ATP8A2: variants seen among roughly 807,000 people sequenced by gnomAD.
ATP8A2 encodes the protein phospholipid-transporting ATPase IB.
In ATP8A2, 100 loss-of-function variants were observed where a neutral mutation model predicts 165.6. That is an observed-to-expected ratio of 0.60 (90% CI 0.51 to 0.71). The LOEUF (loss-of-function observed/expected upper bound fraction) is 0.71. ATP8A2 is among the 30% of genes least tolerant of loss of function. The pLI is 0.00. For synonymous variants in ATP8A2, 543 were observed against 548.8 expected (o/e 0.99, Z 0.15); for missense variants, 1,227 against 1,479.5 (o/e 0.83, Z 2.80).
At chr13:25,782,166 A>G (rs1047537298) in intron 27 of ATP8A2, among the ~76,000 whole-genome samples, 1 of 152,250 alleles carries the variant, frequency 6.6e-6, no homozygotes, top group African/African-American at 2.4e-5. Flanking sequence ...TTACACGGTA[A>G]AAGATAAAAT....
chr13:26,001,786 T>A (rs544524218), intron 35 of ATP8A2, among the ~76,000 whole-genome samples: 1 of 152,254 alleles, frequency 6.6e-6, no homozygotes, highest in South Asian at 2.1e-4. Context: ...TTATCAGATA[T>A]GATTTGCAAA....
intron 1 of ATP8A2, among the ~76,000 whole-genome samples, chr13:25,389,983 C>CTTGTGTTTTG: frequency 6.6e-6 from 1 of 151,144 alleles, no homozygotes; most frequent in East Asian, 1.9e-4. Context: ...AATTTTTTGC[C>CTTGTGTTTTG]TTTTGTTTTG....
chr13:25,407,377 A>G (rs1437563414), intron 1 of ATP8A2, among the ~76,000 whole-genome samples: 1 of 152,176 alleles, frequency 6.6e-6, no homozygotes, highest in African/African-American at 2.4e-5. Context: ...AAAAGTTAAA[A>G]CCCAGCAGAC....
At chr13:26,006,851 T>C (rs1259654652) in intron 35 of ATP8A2, among the ~76,000 whole-genome samples, 1 of 152,036 alleles carries the variant, frequency 6.6e-6, no homozygotes, top group Non-Finnish European at 1.5e-5. Flanking sequence ...CACCCTTGCA[T>C]TCCAGGGATA....
chr13:25,728,776 T>A (rs529778938), intron 25 of ATP8A2, among the ~76,000 whole-genome samples: 1 of 152,272 alleles, frequency 6.6e-6, no homozygotes, highest in South Asian at 2.1e-4. Flanking sequence ...CCCTGCAGAC[T>A]TTTGATTAGA....
chr13:25,526,383 A>G (rs1362166087), intron 2 of ATP8A2, among the ~76,000 whole-genome samples: 1 of 152,124 alleles, frequency 6.6e-6, no homozygotes, highest in East Asian at 1.9e-4. Flanking sequence ...ATATGTTTGC[A>G]TTGGAGAATT....
intron 2 of ATP8A2, among the ~76,000 whole-genome samples, chr13:25,518,519 T>A (rs79678815): frequency 0.062 from 9,048 of 146,526 alleles, 340 homozygotes; most frequent in South Asian, 0.14. Context: ...CATTTTGGTG[T>A]TGCGTGTTAA....
At chr13:25,438,703 ACATACAATCCC>A (rs2034847711) in intron 1 of ATP8A2, among the ~76,000 whole-genome samples, 1 of 152,046 alleles carries the variant, frequency 6.6e-6, no homozygotes, top group African/African-American at 2.4e-5. Flanking sequence ...AAAGAAAAGA[ACATACAATCCC>A]CATCTCCCAG....
In ATP8A2 at chr13:25,529,938, G is replaced by T. The variant is rs2037976385; in HGVS notation, c.222-61G>T. The T allele has an allele frequency of 9.6e-6, 9 of 935,330 alleles. No homozygotes were observed. The South Asian group carries it at 1.2e-4, about 13-fold the overall frequency. 57.9% of individuals were successfully genotyped at this position (935,330 alleles called of 1,614,324 possible). A position where few individuals can be genotyped will look rare whatever the true frequency, so the allele number is the denominator to read the frequency against. The stretch of plus-strand genomic sequence containing the variant: ...TAAAACTTTCTAAACTTCTTGTCCT[G>T]TTCTTGTGTTTTAGAGTTTACATCT... On this transcript the variant is annotated intron_variant, in intron 2 of 36. Coordinates refer to ENST00000381655, the MANE Select transcript of ATP8A2 (RefSeq NM_016529.6).
At chr13:25,641,774 A>C (rs968268168) in intron 24 of ATP8A2, among the ~76,000 whole-genome samples, 194 of 152,068 alleles carry the variant, frequency 1.3e-3, no homozygotes, top group Middle Eastern at 0.01. Context: ...ATATGGAACC[A>C]AAAAAGAGCC....
chr13:25,918,100 G>T (rs903445567), intron 33 of ATP8A2, among the ~76,000 whole-genome samples: 2 of 152,196 alleles, frequency 1.3e-5, no homozygotes, highest in Non-Finnish European at 2.9e-5. Flanking sequence ...CTTGTAAAGT[G>T]GAAATCCTGG....
chr13:25,408,221 C>T (rs937912646), intron 1 of ATP8A2, among the ~76,000 whole-genome samples: 8 of 152,180 alleles, frequency 5.3e-5, no homozygotes, highest in Middle Eastern at 3.4e-3. Context: ...GGTGAAACCC[C>T]GTCTCTACTA....
At chr13:25,791,542 T>TACACACACACACACACAC (rs55661899) in intron 27 of ATP8A2, among the ~76,000 whole-genome samples, 269 of 143,044 alleles carry the variant, frequency 1.9e-3, no homozygotes, top group African/African-American at 6.5e-3. Context: ...CACACACACA[T>TACACACACACACACACAC]ACACACACAC....
chr13:25,531,177 A>G (rs1421868285), intron 4 of ATP8A2, among the ~76,000 whole-genome samples: 12 of 91,648 alleles, frequency 1.3e-4, no homozygotes, highest in African/African-American at 2.1e-4. Flanking sequence ...GTTATATGAT[A>G]TATATATGTT....
chr13:25,491,332 C>T (rs2036522183), intron 2 of ATP8A2, among the ~76,000 whole-genome samples: 1 of 152,098 alleles, frequency 6.6e-6, no homozygotes, highest in African/African-American at 2.4e-5. Context: ...TCCCTTTGGA[C>T]ACAGTGCTCT....
At chr13:25,451,171 TC>T (rs2035214407) in intron 1 of ATP8A2, among the ~76,000 whole-genome samples, 1 of 152,158 alleles carries the variant, frequency 6.6e-6, no homozygotes, top group Admixed American at 6.5e-5. Context: ...TTGGAGAGTT[TC>T]TATTGCTGTC....
intron 35 of ATP8A2, among the ~76,000 whole-genome samples, chr13:25,985,318 G>A (rs1002418087): frequency 6.6e-6 from 1 of 152,178 alleles, no homozygotes; most frequent in Admixed American, 6.5e-5. Context: ...AAATTAAATA[G>A]CCAAGTTCTT....
chr13:25,567,312 T>C, intron 16 of ATP8A2: 1 of 456,734 alleles, frequency 2.2e-6, no homozygotes. Context: ...TCCCATTGCC[T>C]TCCCCTACCC....
chr13:25,434,855 G>A (rs1232289494), intron 1 of ATP8A2, among the ~76,000 whole-genome samples: 3 of 152,150 alleles, frequency 2.0e-5, no homozygotes, highest in East Asian at 1.9e-4. Context: ...CAGCATGCAC[G>A]TGTTCTATTG....
Sources: allele counts gnomAD v4.1 joint callset (sites outside exome capture counted in the v4.1 genomes callset), GRCh38; gene constraint gnomAD v4.1.1; transcripts MANE v1.5; gene names NCBI Gene and HGNC (gene_info 2026-07-23, HGNC 2026-07-21).